LMO7: variants seen among roughly 807,000 people sequenced by gnomAD.
The protein encoded by LMO7 is LIM domain 7.
A neutral mutation model predicts 206.5 loss-of-function variants in LMO7; 120 were observed. The observed-to-expected ratio is 0.58, with a 90% CI of 0.50 to 0.68. LMO7 has a LOEUF of 0.68. Ranked by LOEUF, LMO7 falls within the 30% of genes least tolerant of loss-of-function variation. The pLI is 0.00. For synonymous variants in LMO7, 706 were observed against 681.5 expected (o/e 1.04, Z -0.56); for missense variants, 1,959 against 1,957.9 (o/e 1.00, Z -0.01).
intron 11 of LMO7, among the ~76,000 whole-genome samples, chr13:75,809,917 C>T (rs2056117971): frequency 2.0e-5 from 3 of 150,632 alleles, no homozygotes; most frequent in South Asian, 4.2e-4. Flanking sequence ...CAGCAACTTC[C>T]ACCTCCCAGG....
chr13:75,832,923 A>G (rs1468794755), intron 15 of LMO7, 128 bp from the exon 16 acceptor site: 1 of 547,980 alleles, frequency 1.8e-6, no homozygotes, highest in African/African-American at 1.9e-5. Context: ...AGAAAGAATG[A>G]AGCTTCTAGT....
Position 75,857,972 on chromosome 13 carries a change from C to G in LMO7, c.*29C>G, listed in dbSNP as rs1273318896. The G allele has an allele frequency of 1.9e-6, 3 of 1,609,034 alleles. No homozygotes were observed. Among genetic ancestry groups the G allele is most frequent in the South Asian group, 2.2e-5 (2 of 90,406 alleles). The stretch of plus-strand genomic sequence containing the variant: ...AAGCCTCCATACGAAAGCACTGTTG[C>G]AGATAGAAGAAGAGGTGGTTGCTGC... On this transcript the variant is annotated 3_prime_UTR_variant, in exon 31 of 31. Transcript: ENST00000377534.
At chr13:75,635,270 T>G (rs569203690), upstream of LMO7, among the ~76,000 whole-genome samples, 1 of 152,256 alleles carries the variant, frequency 6.6e-6, no homozygotes, top group East Asian at 1.9e-4. Context: ...GGTCTTTGTC[T>G]TCCGCCAAAG....
intron 4 of LMO7, among the ~76,000 whole-genome samples, chr13:75,787,787 T>C (rs1008286126): frequency 6.6e-6 from 1 of 152,204 alleles, no homozygotes; most frequent in Non-Finnish European, 1.5e-5. Context: ...TGCAGCTTCA[T>C]TTTTAGGAAT....
At chr13:75,644,632 T>C (rs2036853200) in intron 1 of LMO7, among the ~76,000 whole-genome samples, 1 of 152,166 alleles carries the variant, frequency 6.6e-6, no homozygotes, top group South Asian at 2.1e-4. Context: ...AACAGATATA[T>C]TTTTTTCTTT....
chr13:75,740,182 T>C (rs2046302022), intron 3 of LMO7, among the ~76,000 whole-genome samples: 1 of 152,226 alleles, frequency 6.6e-6, no homozygotes, highest in African/African-American at 2.4e-5. Flanking sequence ...AGAGTGGTGA[T>C]ACAGAGGGTT....
intron 1 of LMO7, among the ~76,000 whole-genome samples, chr13:75,711,599 A>C (rs766647530): frequency 3.3e-5 from 5 of 152,170 alleles, no homozygotes; most frequent in Non-Finnish European, 5.9e-5. Context: ...GCTTCGGCTC[A>C]CGCTCGGTGC....
chr13:75,844,759 T>C (rs1008409478), intron 25 of LMO7, among the ~76,000 whole-genome samples: 1 of 152,200 alleles, frequency 6.6e-6, no homozygotes, highest in African/African-American at 2.4e-5. Flanking sequence ...GGAATGAGAT[T>C]AGCATGTGTT....
chr13:75,798,065 CTT>C (rs1377194135), intron 6 of LMO7, among the ~76,000 whole-genome samples: 1 of 152,106 alleles, frequency 6.6e-6, no homozygotes, highest in Non-Finnish European at 1.5e-5. Flanking sequence ...GCTAACAAAA[CTT>C]TTGATTAAAA....
At chr13:75,759,565 T>G (rs619523) in intron 3 of LMO7, among the ~76,000 whole-genome samples, 1,878 of 152,286 alleles carry the variant, frequency 0.012, 46 homozygotes, top group African/African-American at 0.043. Flanking sequence ...TCTTTACTCT[T>G]TGACTTCATC....
intron 1 of LMO7, among the ~76,000 whole-genome samples, chr13:75,681,738 A>ATATATATATATC (rs2040545843): frequency 7.4e-6 from 1 of 135,230 alleles, no homozygotes; most frequent in Non-Finnish European, 1.6e-5. Context: ...ATATATATAT[A>ATATATATATATC]TATATATATA....
At chr13:75,714,185 T>C (rs1039345990) in intron 2 of LMO7, among the ~76,000 whole-genome samples, 1 of 152,226 alleles carries the variant, frequency 6.6e-6, no homozygotes, top group African/African-American at 2.4e-5. Context: ...CTAGGTTAGA[T>C]TTCTTGCTCC....
chr13:75,804,205 GA>G lies in LMO7; in HGVS notation c.662-81del, dbSNP rs1442585175. 2.0e-5 allele frequency: 28 copies of G among 1,408,300 alleles called. No individual in the cohort carries two copies. In the African/African-American group the frequency reaches 3.4e-4, roughly 17 times the overall value. The allele number at this position is 1,408,300 out of a possible 1,614,324, so 87.2% of individuals were successfully genotyped here. A position where few individuals can be genotyped will look rare whatever the true frequency, so the allele number is the denominator to read the frequency against. On this transcript the variant is annotated intron_variant, in intron 7 of 30. Coordinates refer to ENST00000377534, the MANE Select transcript of LMO7 (RefSeq NM_001306080.2). ...CAGTGGCAGCACTGGGTTTCTAAGG[GA>G]AAGACAAAGCAGGCGCGCTGTGTGG...
chr13:75,752,884 C>T (rs1250643796), intron 3 of LMO7, among the ~76,000 whole-genome samples: 3 of 152,150 alleles, frequency 2.0e-5, no homozygotes, highest in African/African-American at 7.2e-5. Flanking sequence ...AATAGTGCTG[C>T]AGAAAACATA....
chr13:75,731,277 G>T (rs1278231381), intron 3 of LMO7, among the ~76,000 whole-genome samples: 2 of 152,180 alleles, frequency 1.3e-5, no homozygotes, highest in East Asian at 3.9e-4. Flanking sequence ...TCTCTTTGTT[G>T]GTCACTCAGG....
intron 1 of LMO7, among the ~76,000 whole-genome samples, chr13:75,687,958 C>A (rs2139594093): frequency 6.6e-6 from 1 of 152,190 alleles, no homozygotes; most frequent in East Asian, 1.9e-4. Context: ...GTGGTTCTTT[C>A]CCATGCCATT....
chr13:75,791,046 G>A (rs1349261639), intron 4 of LMO7, among the ~76,000 whole-genome samples: 1 of 150,114 alleles, frequency 6.7e-6, no homozygotes, highest in South Asian at 2.1e-4. Flanking sequence ...GCATGATCTC[G>A]GCTCACTGCA....
At chr13:75,684,298 ATC>A (rs1415070773) in intron 1 of LMO7, among the ~76,000 whole-genome samples, 2 of 152,116 alleles carry the variant, frequency 1.3e-5, no homozygotes, top group Non-Finnish European at 2.9e-5. Context: ...CAATGGTGCA[ATC>A]TCTGCAATCT....
At chr13:75,687,048 A>G (rs2041070981) in intron 1 of LMO7, among the ~76,000 whole-genome samples, 1 of 152,116 alleles carries the variant, frequency 6.6e-6, no homozygotes, top group African/African-American at 2.4e-5. Flanking sequence ...ATTTTGGCAT[A>G]TGAATGTTGG....
Sources: gnomAD v4.1 joint callset for allele counts (sites outside exome capture counted in the v4.1 genomes callset) on GRCh38, gnomAD v4.1.1 for gene constraint, MANE v1.5 for transcripts, NCBI Gene and HGNC (gene_info 2026-07-23, HGNC 2026-07-21) for gene names.